Variants in STRIP2 observed in about 807,000 individuals in gnomAD.
The protein encoded by STRIP2 is striatin-interacting protein 2.
Under a neutral mutation model 107.1 loss-of-function variants are expected in STRIP2, and 84 were observed. The ratio of observed to expected loss-of-function variants is 0.78; its 90% CI spans 0.66 to 0.94. The LOEUF is 0.94. STRIP2 is among the 40% of genes least tolerant of loss of function. The pLI is 0.00. For synonymous variants in STRIP2, 394 were observed against 400.4 expected (o/e 0.98, Z 0.19); for missense variants, 888 against 1,034.2 (o/e 0.86, Z 1.94).
chr7:129,448,599 C>T (rs978738398), intron 3 of STRIP2, among the ~76,000 whole-genome samples: 1 of 152,154 alleles, frequency 6.6e-6, no homozygotes, highest in African/African-American at 2.4e-5. Flanking sequence ...ATATAGTAGG[C>T]TTCCTATCAG....
rs1584978527 is a variant in STRIP2, at chr7:129,485,883, G to A, written c.*54G>A. 1 of 1,600,606 alleles carries A rather than the reference G, an allele frequency of 6.2e-7. No homozygotes were observed. Among genetic ancestry groups the A allele is most frequent in the South Asian group, 1.1e-5 (1 of 89,974 alleles). On this transcript the variant is annotated 3_prime_UTR_variant, in exon 21 of 21. Coordinates refer to ENST00000249344, the MANE Select transcript of STRIP2 (RefSeq NM_020704.3). ...ATAGAGGTCAGCTCCAATAAACTGT[G>A]CTCTGCCTACCCTGTCCATACAGGC...
chr7:129,487,293 G>C lies in STRIP2; in HGVS notation c.*1464G>C, dbSNP rs1799265236. 2 of 152,140 alleles carry C rather than the reference G, an allele frequency of 1.3e-5. No individual in the cohort carries two copies. The highest frequency in any genetic ancestry group is 2.4e-5 in the African/African-American group (1 of 41,400). The allele number at this position is 152,140 out of a possible 1,614,324, so 9.4% of individuals were successfully genotyped here. On this transcript the variant is annotated 3_prime_UTR_variant, in exon 21 of 21. Transcript: ENST00000249344. ...ACCTCCCAGGGTGCTGGGATTACAGGTGTGAGCCACCATGCCCAGCCTCTT... is the reference window on the plus strand; with the variant it reads ...ACCTCCCAGGGTGCTGGGATTACAGCTGTGAGCCACCATGCCCAGCCTCTT...
rs1366998147 is a variant in STRIP2 at position 129,458,004 on chromosome 7, G to A, written c.1039-211G>A. On this transcript the variant is annotated intron_variant, in intron 9 of 20. Transcript: ENST00000249344. The surrounding 1 kb of genome is among the most constrained non-coding windows in gnomAD (Gnocchi z 4.6). ...GGGATTATCTATGCTATGTTCCCTG[G>A]CTAATGGCAGGGTTACCTGAGAACT... The A allele has an allele frequency of 1.3e-5, 8 of 603,422 alleles. No individual in the cohort carries two copies. The highest frequency in any genetic ancestry group is 1.5e-5 in the Non-Finnish European group (5 of 331,242). 37.4% of individuals were successfully genotyped at this position (603,422 alleles called of 1,614,324 possible).
At chr7:129,438,930 C>T (rs1022840302) in intron 1 of STRIP2, among the ~76,000 whole-genome samples, 2 of 152,110 alleles carry the variant, frequency 1.3e-5, no homozygotes, top group Non-Finnish European at 2.9e-5. Flanking sequence ...TCCTTATCTT[C>T]CCTGGGCAGC....
chr7:129,454,268 T>C (rs1798278243), intron 6 of STRIP2, 58 bp downstream of exon 6: 1 of 1,568,906 alleles, frequency 6.4e-7, no homozygotes, highest in Admixed American at 1.7e-5. Context: ...CTGGGTTACC[T>C]TTTCCCCAAA....
rs145925385 is a variant in STRIP2, at chr7:129,439,865, C to T, written c.130-157C>T. Reference sequence around the variant, plus strand: ...TCAAGTTTTGGCTTGGCGTAGGGTACCTCTGAGATGAAAGACCCAAATAGG... The same window carrying T: ...TCAAGTTTTGGCTTGGCGTAGGGTATCTCTGAGATGAAAGACCCAAATAGG... On this transcript the variant is annotated intron_variant, in intron 1 of 20. Transcript: ENST00000249344. Among the ~76,000 whole-genome samples, 189 of 152,246 alleles carry T rather than the reference C, an allele frequency of 1.2e-3. No homozygotes were observed. In the Middle Eastern group the frequency reaches 0.02, roughly 16 times the overall value.
In STRIP2 at chr7:129,461,356, T is replaced by C. The variant is rs570481653; in HGVS notation, c.1476+984T>C. 1.3e-5 allele frequency among the ~76,000 whole-genome samples: 2 copies of C among 152,070 alleles called. No homozygotes were observed. Among genetic ancestry groups the C allele is most frequent in the African/African-American group, 2.4e-5 (1 of 41,398 alleles). On this transcript the variant is annotated intron_variant, in intron 13 of 20. Coordinates refer to ENST00000249344, the MANE Select transcript of STRIP2 (RefSeq NM_020704.3). This position sits in a 1 kb window ranked among gnomAD's most constrained non-coding sequence, Gnocchi z 4.0. ...ATTCGGGAGTTGTTTGTAACACTTATAGGCAGTGTTAAAGGCCGTAGAACT... is the reference window on the plus strand; with the variant it reads ...ATTCGGGAGTTGTTTGTAACACTTACAGGCAGTGTTAAAGGCCGTAGAACT...
At position 129,451,655 on chromosome 7, in the gene STRIP2, A is replaced by G. The variant is rs1399928113; in HGVS notation, c.317A>G (p.Lys106Arg). 4 of 1,614,168 alleles carry G rather than the reference A, an allele frequency of 2.5e-6. No individual in the cohort carries two copies. In the South Asian group the frequency reaches 3.3e-5, roughly 13 times the overall value. ...CTGGAGTTGGAAGAAGATGCCCAAA[A>G]GGCCTATATAATGGGACTCTTGGAC... is the stretch of plus-strand genomic sequence containing the variant. ...EWLELEEDAQ[K>R]AYIMGLLDRL... is the part of the protein sequence containing the mutation. The change falls in exon 4 of 21, where the codon AAG (lysine) becomes AGG (arginine). Residue 106 changes from lysine to arginine, a missense_variant. By Grantham distance (26) the Lys-to-Arg change is conservative. Transcript: ENST00000249344.
chr7:129,470,912 G>A (rs979170740), intron 18 of STRIP2, among the ~76,000 whole-genome samples, 197 bp downstream of exon 18: 13 of 152,280 alleles, frequency 8.5e-5, no homozygotes, highest in Admixed American at 6.5e-4. Context: ...AAAGTTTAGC[G>A]TAGCATTTTT....
chr7:129,456,554 C>T lies in STRIP2; in HGVS notation c.950C>T (p.Ala317Val). 6.2e-7 allele frequency: 1 copy of T among 1,614,072 alleles called. No homozygotes were observed. The highest frequency in any genetic ancestry group is 8.5e-7 in the Non-Finnish European group (1 of 1,179,998). The stretch of plus-strand genomic sequence containing the variant: ...CAGGTGGTGAAGAGCATGCGTGCTG[C>T]CTCCCCGCCCTCTTACACTCTTGAC... ...SIQVVKSMRA[A>V]SPPSYTLDLG... Residue 317 changes from alanine to valine, a missense_variant, in exon 9 of 21, where the codon GCC (alanine) becomes GTC (valine). Physicochemically the swap from Ala to Val is moderately conservative, Grantham distance 64. Transcript: ENST00000249344.
At chr7:129,437,320 G>A (rs936389749) in intron 1 of STRIP2, among the ~76,000 whole-genome samples, 6 of 151,968 alleles carry the variant, frequency 3.9e-5, no homozygotes, top group Admixed American at 3.3e-4. Flanking sequence ...GATGGTGCGC[G>A]CCTGTTGTCC....
At chr7:129,451,093 C>T (rs1444657305) in intron 3 of STRIP2, among the ~76,000 whole-genome samples, 2 of 151,492 alleles carry the variant, frequency 1.3e-5, no homozygotes, top group African/African-American at 2.4e-5. Flanking sequence ...CCCGCCACTA[C>T]GCCCGGCTAA....
At chr7:129,467,027 C>T (rs545260759) in intron 16 of STRIP2, among the ~76,000 whole-genome samples, 3 of 152,286 alleles carry the variant, frequency 2.0e-5, no homozygotes, top group Non-Finnish European at 2.9e-5. Flanking sequence ...GCATGGAAAA[C>T]GACTCCCTCG....
chr7:129,442,666 A>AAT (rs1402181702), intron 2 of STRIP2, among the ~76,000 whole-genome samples: 1 of 152,182 alleles, frequency 6.6e-6, no homozygotes, highest in African/African-American at 2.4e-5. Flanking sequence ...TAATCTTAAA[A>AAT]ATATATATAT....
intron 12 of STRIP2, among the ~76,000 whole-genome samples, 182 bp from the exon 13 acceptor site, chr7:129,460,119 C>G (rs375061510): frequency 6.6e-6 from 1 of 152,228 alleles, no homozygotes; most frequent in Non-Finnish European, 1.5e-5. Context: ...GCACAAAGCA[C>G]TTTGACTGGT....
intron 14 of STRIP2, among the ~76,000 whole-genome samples, chr7:129,463,288 C>A (rs1798590417): frequency 6.6e-6 from 1 of 152,118 alleles, no homozygotes; most frequent in Non-Finnish European, 1.5e-5. Context: ...CACTGGGGAC[C>A]CTCCTCCGAG....
intron 17 of STRIP2, 71 bp from the exon 18 acceptor site, chr7:129,470,578 C>A: frequency 7.8e-7 from 1 of 1,278,980 alleles, no homozygotes; most frequent in Non-Finnish European, 1.1e-6. Flanking sequence ...TAACTCCTGC[C>A]CTTTCCAGAT....
intron 3 of STRIP2, among the ~76,000 whole-genome samples, chr7:129,448,921 G>A (rs1798108696): frequency 6.6e-6 from 1 of 152,208 alleles, no homozygotes; most frequent in Non-Finnish European, 1.5e-5. Flanking sequence ...GGTCAAGGGT[G>A]TATCTGCTGG....
intron 17 of STRIP2, 40 bp from the exon 18 acceptor site, chr7:129,470,609 C>T: frequency 6.5e-7 from 1 of 1,533,564 alleles, no homozygotes. Context: ...CCTGCTGTTG[C>T]CATTTACCTA....
Sources: gnomAD v4.1 joint callset for allele counts (sites outside exome capture counted in the v4.1 genomes callset) on GRCh38, gnomAD v4.1.1 for gene constraint, Gnocchi (gnomAD v3.1) non-coding constraint, MANE v1.5 for transcripts, NCBI Gene and HGNC (gene_info 2026-07-23, HGNC 2026-07-21) for gene names.